HIVEP3: variants seen among roughly 807,000 people sequenced by gnomAD.
HIVEP3 encodes transcription factor HIVEP3.
HIVEP3 carries 49 observed loss-of-function variants against 152.8 expected under a neutral mutation model. The ratio of observed to expected loss-of-function variants is 0.32; its 90% confidence interval spans 0.26 to 0.41. The LOEUF (loss-of-function observed/expected upper bound fraction) is 0.41. Among genes scored for constraint, HIVEP3 ranks in the 10% least tolerant of loss-of-function variants. The probability of loss-of-function intolerance (pLI) is 1.00; values close to 1 mark genes in which losing one functional copy is unlikely to be tolerated. For synonymous variants in HIVEP3, 1,269 were observed against 1,289.0 expected (o/e 0.98, Z 0.33); for missense variants, 2,790 against 3,103.3 (o/e 0.90, Z 2.40).
In HIVEP3 at chr1:41,575,595, G is replaced by A. The variant is rs775491825; in HGVS notation, c.5156C>T (p.Ala1719Val). The change falls in exon 5 of 9, where the codon GCT becomes GTT. Residue 1719 changes from alanine to valine, a missense_variant. Ala to Val is a moderately conservative substitution (Grantham distance 64). Around this residue, in one of 9 missense-constraint regions of HIVEP3, gnomAD observed 1,078 missense variants for 1,165.3 expected, o/e 0.93. Coordinates refer to ENST00000372583, the MANE Select transcript of HIVEP3 (RefSeq NM_024503.5). Reference protein sequence around the residue: ...EERRGEPEEDAPASQRGEPAR... With the variant: ...EERRGEPEEDVPASQRGEPAR... ...CGGCTCCCCTCTCTGGGAGGCAGGA[G>A]CATCCTCCTCCGGCTCCCCTCTCCT... 6.2e-7 allele frequency: 1 copy of A among 1,613,912 alleles called. No homozygotes were observed. Among genetic ancestry groups the A allele is most frequent in the Non-Finnish European group, 8.5e-7 (1 of 1,179,856 alleles).
chr1:41,745,309 G>A (rs1386173060), intron 1 of HIVEP3, among the ~76,000 whole-genome samples: 3 of 152,228 alleles, frequency 2.0e-5, no homozygotes, highest in Non-Finnish European at 4.4e-5. Flanking sequence ...GATGCTGAAA[G>A]ATGTCCCTCA....
At chr1:41,820,021 G>A (rs1642542770) in intron 1 of HIVEP3, among the ~76,000 whole-genome samples, 1 of 152,016 alleles carries the variant, frequency 6.6e-6, no homozygotes, top group African/African-American at 2.4e-5. Context: ...AAATGAATGG[G>A]GATGTATTTC....
At chr1:41,718,146 G>T (rs894842023) in intron 1 of HIVEP3, among the ~76,000 whole-genome samples, 1 of 152,228 alleles carries the variant, frequency 6.6e-6, no homozygotes. Context: ...GCGGCATCCA[G>T]CCCATTTTAA....
chr1:41,545,049 A>G (rs1482899898), intron 5 of HIVEP3, among the ~76,000 whole-genome samples: 1 of 91,664 alleles, frequency 1.1e-5, no homozygotes, highest in African/African-American at 3.3e-5. Flanking sequence ...TACCACTACC[A>G]CCACCATCAC....
intron 2 of HIVEP3, among the ~76,000 whole-genome samples, chr1:41,689,350 G>A (rs984383001): frequency 6.6e-6 from 1 of 152,192 alleles, no homozygotes; most frequent in South Asian, 2.1e-4. Context: ...GCGCTGAGGG[G>A]CTCTCTCGGG....
At chr1:41,871,897 T>C (rs980416234) in intron 1 of HIVEP3, among the ~76,000 whole-genome samples, 32 of 152,246 alleles carry the variant, frequency 2.1e-4, no homozygotes, top group African/African-American at 7.7e-4. Context: ...GATCTCTTTA[T>C]ACTGAGTCAT....
chr1:41,620,115 G>C (rs767975131), intron 3 of HIVEP3, among the ~76,000 whole-genome samples: 1 of 152,150 alleles, frequency 6.6e-6, no homozygotes, highest in Non-Finnish European at 1.5e-5. Flanking sequence ...GAGGACAAAG[G>C]CTTGGGAGCA....
intron 1 of HIVEP3, among the ~76,000 whole-genome samples, chr1:41,799,995 T>G (rs1650212013): frequency 6.6e-6 from 1 of 152,130 alleles, no homozygotes; most frequent in South Asian, 2.1e-4. Context: ...TACCCAACTC[T>G]ACTCTGCAAA....
At chr1:42,023,134 G>A (rs1311078333) in intron 1 of HIVEP3, among the ~76,000 whole-genome samples, 1 of 152,118 alleles carries the variant, frequency 6.6e-6, no homozygotes, top group Admixed American at 6.5e-5. Context: ...AGCCTCCCAA[G>A]TAGCTGGAAT....
Position 41,524,833 on chromosome 1 carries a change from C to G in HIVEP3, c.5285G>C (p.Arg1762Pro), listed in dbSNP as rs1403670515. 1 of 1,614,110 alleles carries G rather than the reference C, an allele frequency of 6.2e-7. No individual in the cohort carries two copies. The highest frequency in any genetic ancestry group is 8.5e-7 in the Non-Finnish European group (1 of 1,179,954). The stretch of plus-strand genomic sequence containing the variant: ...CTTCAGCATGCTGGGCTTCTTGCAG[C>G]GAATTCCACACTCCTCACAAACATA... ...GKYVCEECGI[R>P]CKKPSMLKKH... Residue 1762 changes from arginine to proline, a missense_variant, in exon 6 of 9, where the codon CGC (arginine) becomes CCC (proline). Coordinates refer to ENST00000372583, the MANE Select transcript of HIVEP3 (RefSeq NM_024503.5).
intron 1 of HIVEP3, among the ~76,000 whole-genome samples, chr1:41,794,091 C>G (rs541795564): frequency 1.9e-4 from 29 of 152,102 alleles, no homozygotes; most frequent in Non-Finnish European, 4.0e-4. Context: ...AAGACATACC[C>G]GAGACTGGGT....
At chr1:41,858,246 T>C (rs570880499) in intron 1 of HIVEP3, among the ~76,000 whole-genome samples, 21 of 152,212 alleles carry the variant, frequency 1.4e-4, no homozygotes, top group Non-Finnish European at 2.5e-4. Flanking sequence ...TGGAATGGAC[T>C]GTTTCCTTGT....
chr1:41,809,870 G>A (rs1011846797), intron 1 of HIVEP3, among the ~76,000 whole-genome samples: 9 of 152,148 alleles, frequency 5.9e-5, no homozygotes, highest in East Asian at 5.8e-4. Flanking sequence ...CCATCTCGCC[G>A]AGTCCATGCT....
At chr1:41,824,796 GAGAGAGAGAGAGAGAGAGAGAGAA>G (rs201233952) in intron 1 of HIVEP3, among the ~76,000 whole-genome samples, 11,370 of 30,382 alleles carry the variant, frequency 0.37, 782 homozygotes, top group East Asian at 0.5. Context: ...GAGAGAGAGA[GAGAGAGAGAGAGAGAGAGAGAGAA>G]AGAGAGAGAG....
chr1:41,541,779 T>C (rs1643537166), intron 5 of HIVEP3, among the ~76,000 whole-genome samples: 1 of 152,232 alleles, frequency 6.6e-6, no homozygotes, highest in Admixed American at 6.5e-5. Flanking sequence ...CCTCAGTTTC[T>C]TCATCTGTAA....
chr1:41,834,810 G>C (rs1643075135), intron 1 of HIVEP3, among the ~76,000 whole-genome samples: 1 of 152,102 alleles, frequency 6.6e-6, no homozygotes, highest in South Asian at 2.1e-4. Flanking sequence ...AAAGATGAGA[G>C]AATGAAGTGT....
chr1:41,756,091 A>G (rs1382288981), intron 1 of HIVEP3, among the ~76,000 whole-genome samples: 1 of 152,252 alleles, frequency 6.6e-6, no homozygotes, highest in Non-Finnish European at 1.5e-5. Context: ...GATTAGTTAA[A>G]CAAATTGTAC....
chr1:41,711,692 C>T (rs2124149756), intron 1 of HIVEP3, among the ~76,000 whole-genome samples: 1 of 152,350 alleles, frequency 6.6e-6, no homozygotes, highest in East Asian at 1.9e-4. Context: ...GTCCTTCCTG[C>T]TACCCCTTGG....
Position 41,534,698 on chromosome 1 carries a change from G to T in HIVEP3, c.5208-9788C>A, listed in dbSNP as rs142977702. 2.0e-5 allele frequency among the ~76,000 whole-genome samples: 3 copies of T among 152,346 alleles called. No homozygotes were observed. In the South Asian group the frequency reaches 6.2e-4, roughly 32 times the overall value. ...GCTGCACATCAGAGAGACCAGCGAGGCCTTCTTTCCTGGGGCCTGTGATCC... is the reference window on the plus strand; with the variant it reads ...GCTGCACATCAGAGAGACCAGCGAGTCCTTCTTTCCTGGGGCCTGTGATCC... On this transcript the variant is annotated intron_variant, in intron 5 of 8. Transcript: ENST00000372583.
Sources: gnomAD v4.1 joint callset for allele counts (sites outside exome capture counted in the v4.1 genomes callset) on GRCh38, gnomAD v4.1.1 for gene constraint, gnomAD v4.1.1 regional missense constraint, MANE v1.5 for transcripts, NCBI Gene and HGNC (gene_info 2026-07-23, HGNC 2026-07-21) for gene names.